COL14A1: variants seen among roughly 807,000 people sequenced by gnomAD.
COL14A1 encodes the protein collagen alpha-1(XIV) chain.
COL14A1 carries 136 observed loss-of-function variants against 230.3 expected under a neutral mutation model. That is an observed-to-expected ratio of 0.59 (90% CI 0.51 to 0.68). The LOEUF is 0.68. COL14A1 is among the 30% of genes least tolerant of loss of function. The pLI, the probability that COL14A1 is intolerant of heterozygous loss-of-function variation, is 0.00. For synonymous variants in COL14A1, 792 were observed against 784.1 expected (o/e 1.01, Z -0.17); for missense variants, 1,976 against 2,215.8 (o/e 0.89, Z 2.17).
intron 42 of COL14A1, among the ~76,000 whole-genome samples, chr8:120,335,711 T>C (rs1822037730): frequency 6.6e-6 from 1 of 152,238 alleles, no homozygotes; most frequent in African/African-American, 2.4e-5. Flanking sequence ...GCAGTCTGCC[T>C]TCAGCTGCCG....
Position 120,255,343 on chromosome 8 carries a change from A to G in COL14A1, c.2856A>G (p.Ile952Met), listed in dbSNP as rs2129713726. ...ATGCCACAGCCTATAGGGTTGTTATAGAATCCCTCCAGGGTGAGTACAATC... is the reference window on the plus strand; with the variant it reads ...ATGCCACAGCCTATAGGGTTGTTATGGAATCCCTCCAGGGTGAGTACAATC... ...HRHATAYRVV[I>M]ESLQDRQKQE... The change falls in exon 23 of 48, where the codon ATA (isoleucine) becomes ATG (methionine). Residue 952 changes from isoleucine (I) to methionine (M), a missense_variant. Ile to Met is a conservative substitution (Grantham distance 10). This residue lies in a region of COL14A1 where 1,791 missense variants were observed against 2,019.5 expected (regional missense o/e 0.89). Transcript: ENST00000297848. The G allele has an allele frequency of 1.9e-6, 3 of 1,612,686 alleles. No individual in the cohort carries two copies. Among genetic ancestry groups the G allele is most frequent in the Non-Finnish European group, 2.5e-6 (3 of 1,178,630 alleles).
chr8:120,208,636 A>G (rs1322796118), intron 11 of COL14A1, among the ~76,000 whole-genome samples: 4 of 152,194 alleles, frequency 2.6e-5, no homozygotes, highest in Non-Finnish European at 5.9e-5. Flanking sequence ...CATTTATTAA[A>G]TAAGTGTTTA....
At position 120,370,990 on chromosome 8, in the gene COL14A1, TGAAACCTTATGGG is replaced by T. The variant is rs1586906557; in HGVS notation, c.5312-158_5312-146del. ...TCCCTTCGTCTATTTACTAACTGTC[TGAAACCTTATGGG>T]GAAGGTACAAGGGGCGTGGTGGATT... is the stretch of plus-strand genomic sequence containing the variant. On this transcript the variant is annotated intron_variant, in intron 47 of 47. Transcript: ENST00000297848. The T allele has an allele frequency of 9.7e-5, 103 of 1,062,514 alleles. No homozygotes were observed. In the East Asian group the frequency reaches 2.5e-3, roughly 26 times the overall value. 65.8% of individuals were successfully genotyped at this position (1,062,514 alleles called of 1,614,324 possible). A position where few individuals can be genotyped will look rare whatever the true frequency, so the allele number is the denominator to read the frequency against.
At chr8:120,297,996 A>C (rs917558806) in intron 35 of COL14A1, among the ~76,000 whole-genome samples, 1 of 152,112 alleles carries the variant, frequency 6.6e-6, no homozygotes, top group African/African-American at 2.4e-5. Context: ...ACATACATTG[A>C]AAGAAAAAAG....
At chr8:120,260,325 A>C (rs1006354677) in intron 23 of COL14A1, among the ~76,000 whole-genome samples, 4 of 152,122 alleles carry the variant, frequency 2.6e-5, no homozygotes, top group African/African-American at 9.7e-5. Context: ...ATGCATATCA[A>C]AATATGGATG....
intron 46 of COL14A1, 89 bp from the exon 47 acceptor site, chr8:120,369,241 T>C (rs1358831989): frequency 7.3e-7 from 1 of 1,378,316 alleles, no homozygotes; most frequent in Non-Finnish European, 9.5e-7. Context: ...AAGTTGCTTC[T>C]TCTAAGAGTT....
intron 14 of COL14A1, among the ~76,000 whole-genome samples, chr8:120,223,626 T>G (rs1818001053): frequency 6.6e-6 from 1 of 152,078 alleles, no homozygotes; most frequent in Non-Finnish European, 1.5e-5. Context: ...GCCAAGATCG[T>G]GGCACTGCAC....
At chr8:120,271,391 AAAC>A (rs913144772) in intron 26 of COL14A1, among the ~76,000 whole-genome samples, 8 of 151,810 alleles carry the variant, frequency 5.3e-5, no homozygotes, top group African/African-American at 1.9e-4. Flanking sequence ...TTAAAAAAAA[AAAC>A]AAGAGAAAAG....
intron 2 of COL14A1, among the ~76,000 whole-genome samples, chr8:120,157,681 T>C (rs1343691488): frequency 2.6e-5 from 4 of 152,068 alleles, no homozygotes; most frequent in African/African-American, 7.2e-5. Flanking sequence ...ATTAGTGAGG[T>C]TGTAAAAAAT....
intron 1 of COL14A1, among the ~76,000 whole-genome samples, chr8:120,140,363 G>A (rs905253942): frequency 2.6e-5 from 4 of 151,646 alleles, no homozygotes; most frequent in Non-Finnish European, 5.9e-5. Flanking sequence ...CTTTAAGTGA[G>A]CTACCAAGGG....
chr8:120,359,970 G>T (rs1302934482), intron 45 of COL14A1, among the ~76,000 whole-genome samples: 2 of 151,932 alleles, frequency 1.3e-5, no homozygotes, highest in African/African-American at 4.8e-5. Flanking sequence ...CCAAATTTAG[G>T]TGAGTCTGTG....
intron 36 of COL14A1, among the ~76,000 whole-genome samples, chr8:120,306,928 G>A (rs1228543733): frequency 6.6e-6 from 1 of 152,162 alleles, no homozygotes; most frequent in Non-Finnish European, 1.5e-5. Context: ...GACAGACTGG[G>A]TATATTAACT....
At chr8:120,185,001 C>T (rs1816601426) in intron 5 of COL14A1, among the ~76,000 whole-genome samples, 2 of 152,124 alleles carry the variant, frequency 1.3e-5, no homozygotes, top group South Asian at 2.1e-4. Flanking sequence ...AGAAATTAAC[C>T]ACACGCTGTA....
intron 13 of COL14A1, chr8:120,213,900 A>G (rs766971383): frequency 7.1e-5 from 28 of 394,054 alleles, no homozygotes; most frequent in South Asian, 5.0e-4. Flanking sequence ...ACTTAATTAT[A>G]TTGCTTTTTT....
At chr8:120,203,463 A>G (rs942968228) in intron 8 of COL14A1, among the ~76,000 whole-genome samples, 4 of 152,020 alleles carry the variant, frequency 2.6e-5, no homozygotes, top group African/African-American at 9.7e-5. Context: ...TTCTTTCTAT[A>G]TGAATAATTT....
rs113669198 is a variant in COL14A1, at chr8:120,290,577, A to G, written c.4236+811A>G. On this transcript the variant is annotated intron_variant, in intron 34 of 47. Coordinates refer to ENST00000297848, the MANE Select transcript of COL14A1 (RefSeq NM_021110.4). The stretch of plus-strand genomic sequence containing the variant: ...ACAATCAAGATAATTATGAATTACT[A>G]TTGTCTCCCACTTTCATAGATCTGT... 2.7e-3 allele frequency among the ~76,000 whole-genome samples: 411 copies of G among 152,368 alleles called. 2 individuals are homozygous for G. The highest frequency in any genetic ancestry group is 0.01 in the Middle Eastern group (3 of 294).
At chr8:120,370,706 G>A in intron 47 of COL14A1, 1 of 1,412,378 alleles carries the variant, frequency 7.1e-7, no homozygotes, top group Non-Finnish European at 9.4e-7. Context: ...TTACTTAACT[G>A]TGCCTCTTCC....
intron 26 of COL14A1, among the ~76,000 whole-genome samples, chr8:120,272,685 G>GA (rs1313422584): frequency 2.0e-5 from 3 of 150,882 alleles, no homozygotes; most frequent in Non-Finnish European, 4.4e-5. Context: ...AACAATAGTA[G>GA]AAAAAAAAGA....
At chr8:120,218,252 G>T (rs1286978667) in intron 14 of COL14A1, among the ~76,000 whole-genome samples, 2 of 107,570 alleles carry the variant, frequency 1.9e-5, no homozygotes, top group African/African-American at 3.6e-5. Flanking sequence ...AAATATATAA[G>T]TATATGTCTA....
Sources: allele counts gnomAD v4.1 joint callset (sites outside exome capture counted in the v4.1 genomes callset), GRCh38; gene constraint gnomAD v4.1.1; regional missense constraint gnomAD v4.1.1; transcripts MANE v1.5; gene names NCBI Gene and HGNC (gene_info 2026-07-23, HGNC 2026-07-21).